The following ZNF778 variants were observed in gnomAD, a reference collection of about 807,000 sequenced individuals.
ZNF778 encodes the protein zinc finger protein 778.
In ZNF778, 37 loss-of-function variants were observed where a neutral mutation model predicts 23.9. That is an observed-to-expected ratio of 1.54 (90% confidence interval 1.19 to 2.03). The LOEUF (loss-of-function observed/expected upper bound fraction) is 2.03. Ranked by LOEUF, ZNF778 falls within the 30% of genes most tolerant of loss-of-function variation. ZNF778 has a pLI of 0.00. For missense variants in ZNF778, 1,297 were observed against 934.4 expected, an observed-to-expected ratio of 1.39 and a Z score of -5.06; for synonymous variants, 483 against 343.9, an observed-to-expected ratio of 1.40 and a Z score of -4.48.
rs1250256518 is a variant in ZNF778 at position 89,227,270 on chromosome 16, G to A, written c.982G>A (p.Val328Ile). The A allele has an allele frequency of 1.9e-6, 3 of 1,613,858 alleles. No individual in the cohort carries two copies. Among genetic ancestry groups the A allele is most frequent in the African/African-American group, 1.3e-5 (1 of 74,918 alleles). The change falls in exon 7 of 7, where the codon GTA becomes ATA. Residue 328 changes from valine (V) to isoleucine (I), a missense_variant. By Grantham distance (29) the Val-to-Ile change is conservative. Coordinates refer to ENST00000433976, the MANE Select transcript of ZNF778 (RefSeq NM_001201407.2). ...TGTTTCTTCCAGCCTAACTCAACAT[G>A]TAAGAATTCATGCTGCAGAGAAACC... Reference protein sequence around the residue: ...SPVSSSLTQHVRIHAAEKPCE... With the variant: ...SPVSSSLTQHIRIHAAEKPCE...
chr16:89,225,596 AG>A lies in ZNF778; in HGVS notation c.371del (p.Arg124AsnfsTer41), dbSNP rs1346144877. ...CAAAGGGCCAGCACTTCGGCAGGAT[AG>A]ATCTTGGTTCAGAGCATCAAATGAG... The part of the protein sequence containing the change: ...KTKGPALRQD[R>X]SWFRASNETQ... On this transcript the variant is annotated frameshift_variant, in exon 6 of 7. Coordinates refer to ENST00000433976, the MANE Select transcript of ZNF778 (RefSeq NM_001201407.2). LOFTEE classifies it low-confidence loss of function (END_TRUNC). The A allele has an allele frequency of 6.2e-7, 1 of 1,612,876 alleles. No individual in the cohort carries two copies. The highest frequency in any genetic ancestry group is 1.7e-5 in the Admixed American group (1 of 59,922).
Position 89,224,716 on chromosome 16 carries a change from C to G in ZNF778, c.245-3C>G. ...CCATCGATGTCTCTTTCCCTGTGTA[C>G]AGGACATCACCTGTTCCAACCCAGT... is the stretch of plus-strand genomic sequence containing the variant. On this transcript the variant is annotated splice_polypyrimidine_tract_variant and splice_region_variant and intron_variant, in intron 4 of 6. Transcript: ENST00000433976. 1 of 1,534,632 alleles carries G rather than the reference C, an allele frequency of 6.5e-7. No individual in the cohort carries two copies. Among genetic ancestry groups the G allele is most frequent in the South Asian group, 1.2e-5 (1 of 84,032 alleles).
intron 4 of ZNF778, among the ~76,000 whole-genome samples, chr16:89,224,021 A>T (rs1001344396): frequency 6.7e-6 from 1 of 149,494 alleles, no homozygotes; most frequent in African/African-American, 2.5e-5. Context: ...TAATCCCAGC[A>T]CTCTGGGAGG....
At chr16:89,221,258 C>T in intron 2 of ZNF778, 106 bp downstream of exon 2, 1 of 1,316,168 alleles carries the variant, frequency 7.6e-7, no homozygotes, top group Admixed American at 2.1e-5. Flanking sequence ...CTCCGGGTTC[C>T]TATTGCAGCT....
At position 89,232,218 on chromosome 16, in the gene ZNF778, T is replaced by C. The variant is rs1209170810; in HGVS notation, c.*3656T>C. 1 of 177,090 alleles carries C rather than the reference T, an allele frequency of 5.6e-6. No individual in the cohort carries two copies. The highest frequency in any genetic ancestry group is 5.3e-5 in the Admixed American group (1 of 18,704). 11.0% of individuals were successfully genotyped at this position (177,090 alleles called of 1,614,324 possible). On this transcript the variant is annotated 3_prime_UTR_variant, in exon 7 of 7. Coordinates refer to ENST00000433976, the MANE Select transcript of ZNF778 (RefSeq NM_001201407.2). ...TGGATTGGTTTGTAGGGGAATGCACTAGTTACTGGGAGCATGGTTGTGATA... is the reference window on the plus strand; with the variant it reads ...TGGATTGGTTTGTAGGGGAATGCACCAGTTACTGGGAGCATGGTTGTGATA...
rs1198012552 is a variant in ZNF778, at chr16:89,233,733, C to T, written c.*5171C>T. 6.8e-6 allele frequency: 7 copies of T among 1,022,206 alleles called. No individual in the cohort carries two copies. The highest frequency in any genetic ancestry group is 2.0e-5 in the South Asian group (1 of 49,550). 63.3% of individuals were successfully genotyped at this position (1,022,206 alleles called of 1,614,324 possible). ...CTCACTGCGTATGCAACTCAACTCGCACTGCATATGCAACTCAACTCGCAC... is the reference window on the plus strand; with the variant it reads ...CTCACTGCGTATGCAACTCAACTCGTACTGCATATGCAACTCAACTCGCAC... On this transcript the variant is annotated 3_prime_UTR_variant, in exon 7 of 7. Coordinates refer to ENST00000433976, the MANE Select transcript of ZNF778 (RefSeq NM_001201407.2).
At position 89,234,029 on chromosome 16, in the gene ZNF778, C is replaced by T. The variant is rs145398335; in HGVS notation, c.*5467C>T. 7.9e-6 allele frequency: 8 copies of T among 1,016,014 alleles called. No individual in the cohort carries two copies. Among genetic ancestry groups the T allele is most frequent in the East Asian group, 6.0e-5 (1 of 16,736 alleles). 62.9% of individuals were successfully genotyped at this position (1,016,014 alleles called of 1,614,324 possible). A position where few individuals can be genotyped will look rare whatever the true frequency, so the allele number is the denominator to read the frequency against. On this transcript the variant is annotated 3_prime_UTR_variant, in exon 7 of 7. Coordinates refer to ENST00000433976, the MANE Select transcript of ZNF778 (RefSeq NM_001201407.2). ...TCCTGTGAAAACCCTGTGGCCTCTG[C>T]CTCCCCTGGCTCTGACTTCTGCCTC...
At chr16:89,219,849 G>A (rs941292370) in intron 1 of ZNF778, among the ~76,000 whole-genome samples, 2 of 152,208 alleles carry the variant, frequency 1.3e-5, no homozygotes, top group Non-Finnish European at 2.9e-5. Context: ...CCTCTTTTTT[G>A]GTTATAGGTG....
rs147655419 is a variant in ZNF778 at position 89,218,136 on chromosome 16, C to CG, written c.-132+230dup. On this transcript the variant is annotated intron_variant, in intron 1 of 6. Transcript: ENST00000433976. ...CGCCGGGACTTCCAGGCCCGGCCCT[C>CG]GGGGCGGGAGGGATGCGGCCGTTGT... 318 of 151,988 alleles carry CG rather than the reference C, an allele frequency of 2.1e-3. 1 individual carries two copies. Among genetic ancestry groups the CG allele is most frequent in the Non-Finnish European group, 2.9e-3 (196 of 67,938 alleles). The allele number at this position is 151,988 out of a possible 1,614,324, so 9.4% of individuals were successfully genotyped here.
At position 89,233,591 on chromosome 16, in the gene ZNF778, A is replaced by C; in HGVS notation, c.*5029A>C. The C allele has an allele frequency of 8.0e-6, 9 of 1,127,608 alleles. No individual in the cohort carries two copies. The highest frequency in any genetic ancestry group is 1.0e-5 in the Non-Finnish European group (9 of 864,864). The allele number at this position is 1,127,608 out of a possible 1,614,324, so 69.9% of individuals were successfully genotyped here. A position where few individuals can be genotyped will look rare whatever the true frequency, so the allele number is the denominator to read the frequency against. ...CAGCTCGCACTGCATATGCAACGCA[A>C]CTCAACTCATACTGCATATGCAACT... On this transcript the variant is annotated 3_prime_UTR_variant, in exon 7 of 7. Coordinates refer to ENST00000433976, the MANE Select transcript of ZNF778 (RefSeq NM_001201407.2).
chr16:89,229,021 T>C lies in ZNF778; in HGVS notation c.*459T>C. The C allele has an allele frequency of 1.0e-6, 1 of 992,172 alleles. No homozygotes were observed. The highest frequency in any genetic ancestry group is 1.2e-6 in the Non-Finnish European group (1 of 834,374). The allele number at this position is 992,172 out of a possible 1,614,324, so 61.5% of individuals were successfully genotyped here. A position where few individuals can be genotyped will look rare whatever the true frequency, so the allele number is the denominator to read the frequency against. On this transcript the variant is annotated 3_prime_UTR_variant, in exon 7 of 7. Transcript: ENST00000433976. ...CCCTGTGTTCTAAAACCTTGTGGGC[T>C]AACTTGAGACATGTCTTTCTGGGGG...
chr16:89,227,065 G>T lies in ZNF778; in HGVS notation c.777G>T (p.Gly259=). The T allele has an allele frequency of 6.2e-7, 1 of 1,614,000 alleles. No homozygotes were observed. The highest frequency in any genetic ancestry group is 2.2e-5 in the East Asian group (1 of 44,882). ...GEETWKWKPC[G]KALTHSMGCA... is the part of the protein sequence containing the mutation. ...AAACATGGAAATGGAAGCCGTGTGG[G>T]AAAGCTCTAACTCACTCCATGGGCT... is the stretch of plus-strand genomic sequence containing the variant. The change falls in exon 7 of 7, where the codon GGG becomes GGT. Residue 259 remains glycine, a synonymous_variant. Transcript: ENST00000433976.
chr16:89,227,078 C>A lies in ZNF778; in HGVS notation c.790C>A (p.His264Asn), dbSNP rs1264123434. Reference sequence around the variant, plus strand: ...GAAGCCGTGTGGGAAAGCTCTAACTCACTCCATGGGCTGCGCCACACCTGT... The same window carrying A: ...GAAGCCGTGTGGGAAAGCTCTAACTAACTCCATGGGCTGCGCCACACCTGT... ...KWKPCGKALT[H>N]SMGCATPVEM... is the part of the protein sequence containing the mutation. Residue 264 changes from histidine to asparagine, a missense_variant, in exon 7 of 7, where the codon CAC becomes AAC. By Grantham distance (68) the His-to-Asn change is moderately conservative (BLOSUM62 1). Transcript: ENST00000433976. The A allele has an allele frequency of 1.2e-6, 2 of 1,613,820 alleles. No homozygotes were observed. The highest frequency in any genetic ancestry group is 4.5e-5 in the East Asian group (2 of 44,902).
In ZNF778 at chr16:89,228,271, C is replaced by T. The variant is rs367933230; in HGVS notation, c.1983C>T (p.Ile661=). 2.1e-5 allele frequency: 33 copies of T among 1,605,336 alleles called. No individual in the cohort carries two copies. The highest frequency in any genetic ancestry group is 1.7e-4 in the Middle Eastern group (1 of 6,054). The change falls in exon 7 of 7, where the codon ATC becomes ATT. Residue 661 remains isoleucine, a synonymous_variant. Transcript: ENST00000433976. ...GKAFASSSHL[I]EHRRTHTGEK... ...CCTTTGCTTCCTCCTCACACCTTATCGAACACAGAAGGACTCACACAGGAG... is the reference window on the plus strand; with the variant it reads ...CCTTTGCTTCCTCCTCACACCTTATTGAACACAGAAGGACTCACACAGGAG...
intron 1 of ZNF778, among the ~76,000 whole-genome samples, chr16:89,220,706 G>A (rs954030456): frequency 2.6e-5 from 4 of 152,158 alleles, no homozygotes; most frequent in African/African-American, 9.7e-5. Context: ...CCAGCTAACC[G>A]TCCTGGTTCA....
In ZNF778 at chr16:89,226,771, C is replaced by T. The variant is rs751459091; in HGVS notation, c.483C>T (p.Ser161=). Residue 161 remains serine, a synonymous_variant, in exon 7 of 7, where the codon AGC becomes AGT. Transcript: ENST00000433976. ...GEAFSEHSGL[S]THVRTQNTGD... The stretch of plus-strand genomic sequence containing the variant: ...CTTTCAGTGAACACTCAGGCCTCAG[C>T]ACACACGTGAGAACTCAAAATACAG... 6.2e-7 allele frequency: 1 copy of T among 1,613,864 alleles called. No homozygotes were observed. The highest frequency in any genetic ancestry group is 1.3e-5 in the African/African-American group (1 of 74,910).
chr16:89,222,162 C>A lies in ZNF778; in HGVS notation c.96C>A (p.Gly32=), dbSNP rs749343234. ...EQTQAAGMVA[G]WLINCYQDAV... ...CACAGGCAGCAGGGATGGTGGCTGG[C>A]TGGCTGATAAATTGTTACCAGGTAT... Residue 32 remains glycine (G), a synonymous_variant, in exon 3 of 7, where the codon GGC becomes GGA. Coordinates refer to ENST00000433976, the MANE Select transcript of ZNF778 (RefSeq NM_001201407.2). 3.1e-5 allele frequency: 50 copies of A among 1,605,316 alleles called. No individual in the cohort carries two copies. Among genetic ancestry groups the A allele is most frequent in the Non-Finnish European group, 4.3e-5 (50 of 1,174,360 alleles).
rs1421814268 is a variant in ZNF778 at position 89,227,273 on chromosome 16, A to G, written c.985A>G (p.Arg329Gly). 6.2e-7 allele frequency: 1 copy of G among 1,613,976 alleles called. No homozygotes were observed. Among genetic ancestry groups the G allele is most frequent in the Admixed American group, 1.7e-5 (1 of 59,996 alleles). Residue 329 changes from arginine to glycine, a missense_variant, in exon 7 of 7, where the codon AGA (arginine) becomes GGA (glycine). Coordinates refer to ENST00000433976, the MANE Select transcript of ZNF778 (RefSeq NM_001201407.2). ...PVSSSLTQHV[R>G]IHAAEKPCEC... is the part of the protein sequence containing the mutation. The stretch of plus-strand genomic sequence containing the variant: ...TTCTTCCAGCCTAACTCAACATGTA[A>G]GAATTCATGCTGCAGAGAAACCCTG...
At position 89,224,743 on chromosome 16, in the gene ZNF778, T is replaced by G. The variant is rs1161206277; in HGVS notation, c.269T>G (p.Val90Gly). The change falls in exon 5 of 7, where the codon GTG (valine) becomes GGG (glycine). Residue 90 changes from valine (V) to glycine (G), a missense_variant. Val to Gly is a moderately radical substitution (Grantham distance 109). Transcript: ENST00000433976. ...GGACATCACCTGTTCCAACCCAGTG[T>G]GATCTATTGGCTGGAGCAGGAAGAG... is the stretch of plus-strand genomic sequence containing the variant. The part of the protein sequence containing the change: ...SVGHHLFQPS[V>G]IYWLEQEEEL... The G allele has an allele frequency of 1.3e-6, 2 of 1,535,500 alleles. No homozygotes were observed. The highest frequency in any genetic ancestry group is 1.7e-6 in the Non-Finnish European group (2 of 1,146,622).
Sources: gnomAD v4.1 joint callset for allele counts (sites outside exome capture counted in the v4.1 genomes callset) on GRCh38, gnomAD v4.1.1 for gene constraint, MANE v1.5 for transcripts, NCBI Gene and HGNC (gene_info 2026-07-23, HGNC 2026-07-21) for gene names.